SULT1C3: variants seen among roughly 807,000 people sequenced by gnomAD.
SULT1C3 encodes the protein sulfotransferase family 1C member 3.
A neutral mutation model predicts 28.4 loss-of-function variants in SULT1C3; 31 were observed. The observed-to-expected ratio is 1.09, with a 90% CI of 0.82 to 1.47. The LOEUF (loss-of-function observed/expected upper bound fraction) is 1.47. Ranked by LOEUF, SULT1C3 falls within the 40% of genes most tolerant of loss-of-function variation. The pLI is 0.00. For missense variants in SULT1C3, 307 were observed against 272.5 expected, an observed-to-expected ratio of 1.13 and a Z score of -0.89; for synonymous variants, 106 against 92.2, an observed-to-expected ratio of 1.15 and a Z score of -0.86.
rs749275500 is a variant in SULT1C3, at chr2:108,247,297, T to C, written c.103T>C (p.Trp35Arg). The C allele has an allele frequency of 6.9e-6, 11 of 1,600,174 alleles. No individual in the cohort carries two copies. In the East Asian group the frequency reaches 2.3e-4, roughly 33 times the overall value. ...GVPTLILSKE[W>R]WEKVCNFQAK... ...CCCTACGTTGATATTATCAAAAGAA[T>C]GGTGGGAAAAAGTATGTAATTTCCA... Residue 35 changes from tryptophan to arginine, a missense_variant, in exon 2 of 8, where the codon TGG becomes CGG. Physicochemically the swap from Trp to Arg is moderately radical, Grantham distance 101. Coordinates refer to ENST00000681802, the MANE Select transcript of SULT1C3 (RefSeq NM_001320878.2).
downstream of SULT1C3, among the ~76,000 whole-genome samples, chr2:108,264,162 G>A (rs1676080803): frequency 6.6e-6 from 1 of 152,156 alleles, no homozygotes; most frequent in African/African-American, 2.4e-5. Flanking sequence ...AAACCATCGT[G>A]TCTGAGTGTC....
At chr2:108,249,703 A>G (rs1428731024) in intron 2 of SULT1C3, among the ~76,000 whole-genome samples, 1 of 152,122 alleles carries the variant, frequency 6.6e-6, no homozygotes, top group Non-Finnish European at 1.5e-5. Context: ...AAATTAATGT[A>G]TAAATTCAAT....
At chr2:108,254,809 G>GTGTGTATATACACA (rs1309793776) in intron 4 of SULT1C3, among the ~76,000 whole-genome samples, 16 of 150,100 alleles carry the variant, frequency 1.1e-4, no homozygotes, top group African/African-American at 3.9e-4. Flanking sequence ...GCATATATAT[G>GTGTGTATATACACA]TATATATGTG....
At chr2:108,241,590 C>A (rs1675461156) in intron 1 of SULT1C3, among the ~76,000 whole-genome samples, 2 of 152,112 alleles carry the variant, frequency 1.3e-5, no homozygotes, top group South Asian at 4.1e-4. Flanking sequence ...AGCAAGAAAA[C>A]AATTGTCTGT....
chr2:108,250,552 AC>A (rs1193115906), intron 2 of SULT1C3, among the ~76,000 whole-genome samples: 5 of 150,436 alleles, frequency 3.3e-5, no homozygotes, highest in Non-Finnish European at 7.4e-5. Flanking sequence ...CTAGAGATTC[AC>A]CCCCACCCCC....
rs138968932 is a variant in SULT1C3 at position 108,247,216 on chromosome 2, G to A, written c.22G>A (p.Ala8Thr). MAKIEKN[A>T]PTMEKKPELF... ...CCCAATGGCGAAGATTGAGAAAAAC[G>A]CTCCCACGATGGAAAAAAAGCCAGA... The change falls in exon 2 of 8, where the codon GCT becomes ACT. Residue 8 changes from alanine (A) to threonine (T), a missense_variant. Transcript: ENST00000681802. 187 of 1,524,058 alleles carry A rather than the reference G, an allele frequency of 1.2e-4. No individual in the cohort carries two copies. In the East Asian group the frequency reaches 2.7e-3, roughly 22 times the overall value. 94.4% of individuals were successfully genotyped at this position (1,524,058 alleles called of 1,614,324 possible).
At chr2:108,244,191 T>A (rs1399598476) in intron 1 of SULT1C3, among the ~76,000 whole-genome samples, 1 of 152,168 alleles carries the variant, frequency 6.6e-6, no homozygotes, top group Non-Finnish European at 1.5e-5. Context: ...ATCCTTATTA[T>A]CCCCTTTACT....
At chr2:108,258,168 T>G (rs1675925383) in intron 5 of SULT1C3, among the ~76,000 whole-genome samples, 1 of 152,052 alleles carries the variant, frequency 6.6e-6, no homozygotes, top group South Asian at 2.1e-4. Context: ...TTACAACCTA[T>G]CAGGGACACT....
chr2:108,260,543 CA>C (rs748573726), intron 7 of SULT1C3, 24 bp from the exon 8 acceptor site: 1 of 505,658 alleles, frequency 2.0e-6, no homozygotes, highest in Non-Finnish European at 3.9e-6. Flanking sequence ...CAGAGTCTGT[CA>C]TGAACTTCTT....
chr2:108,261,989 C>A (rs1327052841), downstream of SULT1C3, among the ~76,000 whole-genome samples: 1 of 152,122 alleles, frequency 6.6e-6, no homozygotes, highest in Non-Finnish European at 1.5e-5. Flanking sequence ...GGCATTTGAA[C>A]CAGCCCAGAG....
intron 1 of SULT1C3, 135 bp from the exon 2 acceptor site, chr2:108,247,053 T>C (rs890358954): frequency 1.8e-6 from 1 of 552,236 alleles, no homozygotes; most frequent in African/African-American, 2.0e-5. Flanking sequence ...TAGAGTAAGT[T>C]GTTAGCATGT....
At position 108,253,984 on chromosome 2, in the gene SULT1C3, C is replaced by T. The variant is rs73951725; in HGVS notation, c.399+542C>T. On this transcript the variant is annotated intron_variant, in intron 4 of 7. Transcript: ENST00000681802. ...ATCTGTGCACTACACTGCAACACTA[C>T]CACCTGTACCCAACTCAGCTCACTG... is the stretch of plus-strand genomic sequence containing the variant. 8.6e-3 allele frequency among the ~76,000 whole-genome samples: 1,315 copies of T among 152,052 alleles called. 16 individuals carry two copies. The highest frequency in any genetic ancestry group is 0.03 in the African/African-American group (1,239 of 41,490).
intron 5 of SULT1C3, among the ~76,000 whole-genome samples, chr2:108,257,282 C>A (rs1675888883): frequency 6.6e-6 from 1 of 151,900 alleles, no homozygotes; most frequent in African/African-American, 2.4e-5. Flanking sequence ...TCAAATCTTG[C>A]CTGATTTTCC....
At chr2:108,265,227 G>A, downstream of SULT1C3, 1 of 1,609,492 alleles carries the variant, frequency 6.2e-7, no homozygotes, top group Non-Finnish European at 8.5e-7. Flanking sequence ...TTAAGATTTT[G>A]CCTTGTTTCA....
intron 2 of SULT1C3, among the ~76,000 whole-genome samples, chr2:108,250,659 T>C (rs1261320407): frequency 6.6e-6 from 1 of 151,948 alleles, no homozygotes; most frequent in Non-Finnish European, 1.5e-5. Flanking sequence ...TAAATTCGTA[T>C]TGTCATATAA....
At chr2:108,256,604 C>G (rs1339492870) in intron 5 of SULT1C3, among the ~76,000 whole-genome samples, 1 of 152,036 alleles carries the variant, frequency 6.6e-6, no homozygotes, top group Non-Finnish European at 1.5e-5. Flanking sequence ...CCTTGAGCAA[C>G]CTAACTATCC....
At chr2:108,250,000 C>T (rs1316542279) in intron 2 of SULT1C3, among the ~76,000 whole-genome samples, 1 of 151,938 alleles carries the variant, frequency 6.6e-6, no homozygotes, top group Non-Finnish European at 1.5e-5. Context: ...AGAATAGCTT[C>T]AAACTTTAGG....
downstream of SULT1C3, among the ~76,000 whole-genome samples, chr2:108,263,997 A>G (rs1423972495): frequency 6.6e-6 from 1 of 152,190 alleles, no homozygotes; most frequent in African/African-American, 2.4e-5. Flanking sequence ...TTACACTATC[A>G]TACTTGTAAA....
Position 108,254,748 on chromosome 2 carries a change from C to CATATGTATGTAT in SULT1C3, c.400-811_400-800dup, listed in dbSNP as rs200438269. Among the ~76,000 whole-genome samples the CATATGTATGTAT allele has an allele frequency of 3.9e-5, 5 of 127,664 alleles. No homozygotes were observed. In the East Asian group the frequency reaches 1.0e-3, roughly 26 times the overall value. 83.8% of individuals were successfully genotyped at this position (127,664 alleles called of 152,430 possible). Reference sequence around the variant, plus strand: ...ATATGTATATATGTATGTATGCATACATATGTATGTATATATGTATGTATG... The same window carrying CATATGTATGTAT: ...ATATGTATATATGTATGTATGCATACATATGTATGTATATATGTATGTATATATGTATGTATG... On this transcript the variant is annotated intron_variant, in intron 4 of 7. Transcript: ENST00000681802.
Sources: allele counts gnomAD v4.1 joint callset (sites outside exome capture counted in the v4.1 genomes callset), GRCh38; gene constraint gnomAD v4.1.1; transcripts MANE v1.5; gene names NCBI Gene and HGNC (gene_info 2026-07-23, HGNC 2026-07-21).